ACSF3: variants seen among roughly 807,000 people sequenced by gnomAD.
The protein encoded by ACSF3 is acyl-CoA synthetase family member 3.
ACSF3 carries 78 observed loss-of-function variants against 53.2 expected under a neutral mutation model. That is an observed-to-expected ratio of 1.47 (90% CI 1.22 to 1.77). The LOEUF (loss-of-function observed/expected upper bound fraction) is 1.77, where lower values mean the gene tolerates loss of function less well. Among genes scored for constraint, ACSF3 ranks in the 40% most tolerant of loss-of-function variants. The probability of loss-of-function intolerance (pLI) is 0.00; values close to 1 mark genes in which losing one functional copy is unlikely to be tolerated. For synonymous variants in ACSF3, 414 were observed against 333.1 expected, an observed-to-expected ratio of 1.24 and a Z score of -2.65; for missense variants, 937 against 771.1, an observed-to-expected ratio of 1.22 and a Z score of -2.55.
chr16:89,108,758 C>T (rs1212961732), intron 4 of ACSF3, among the ~76,000 whole-genome samples: 2 of 152,204 alleles, frequency 1.3e-5, no homozygotes, highest in African/African-American at 4.8e-5. Context: ...GGATATACCA[C>T]ATTTTCCTCA....
At position 89,155,848 on chromosome 16, in the gene ACSF3, T is replaced by G; in HGVS notation, c.*1641T>G. 2.2e-6 allele frequency: 1 copy of G among 445,258 alleles called. No individual in the cohort carries two copies. Among genetic ancestry groups the G allele is most frequent in the South Asian group, 1.6e-5 (1 of 63,076 alleles). The allele number at this position is 445,258 out of a possible 1,614,324, so 27.6% of individuals were successfully genotyped here. A position where few individuals can be genotyped will look rare whatever the true frequency, so the allele number is the denominator to read the frequency against. ...TAATCATTTGCTTTATCCGATAGTA[T>G]ACATCAGTATATCATGCTTTCGAAA... On this transcript the variant is annotated 3_prime_UTR_variant, in exon 11 of 11. Transcript: ENST00000614302.
intron 2 of ACSF3, 139 bp from the exon 3 acceptor site, chr16:89,100,523 C>G: frequency 1.2e-6 from 1 of 831,698 alleles, no homozygotes; most frequent in Non-Finnish European, 1.9e-6. Flanking sequence ...TGGACGTGGC[C>G]TGTCTGGTGC....
intron 10 of ACSF3, among the ~76,000 whole-genome samples, chr16:89,147,391 G>T (rs1401490907): frequency 1.9e-4 from 9 of 46,482 alleles, no homozygotes; most frequent in East Asian, 7.4e-4. Context: ...GGAGGGAGGG[G>T]TCACAGAGTG....
chr16:89,151,448 A>G, intron 10 of ACSF3: 1 of 319,056 alleles, frequency 3.1e-6, no homozygotes, highest in East Asian at 8.4e-5. Context: ...AAACGAGAGG[A>G]CAGTGTTCCC....
At chr16:89,109,240 A>G (rs1303085045) in intron 4 of ACSF3, among the ~76,000 whole-genome samples, 3 of 148,820 alleles carry the variant, frequency 2.0e-5, no homozygotes, top group African/African-American at 7.5e-5. Context: ...AAAAAAAAAA[A>G]AAAAAAAAAA....
intron 4 of ACSF3, among the ~76,000 whole-genome samples, chr16:89,111,639 T>C (rs1976686090): frequency 6.6e-6 from 1 of 152,376 alleles, no homozygotes; most frequent in East Asian, 1.9e-4. Flanking sequence ...CAAGAAATGT[T>C]TATTATGGAG....
Position 89,155,384 on chromosome 16 carries a change from C to G in ACSF3, c.*1177C>G, listed in dbSNP as rs1362903181. 2 of 452,226 alleles carry G rather than the reference C, an allele frequency of 4.4e-6. No individual in the cohort carries two copies. The highest frequency in any genetic ancestry group is 7.0e-5 in the East Asian group (1 of 14,346). The allele number at this position is 452,226 out of a possible 1,614,324, so 28.0% of individuals were successfully genotyped here. ...CTCTGACAGGAGACCAGCCCCATCT[C>G]AGGCTCACATGCCTCGCGGACAGTT... On this transcript the variant is annotated 3_prime_UTR_variant, in exon 11 of 11. Transcript: ENST00000614302.
At chr16:89,150,724 G>A (rs767854620) in intron 10 of ACSF3, 1 of 341,208 alleles carries the variant, frequency 2.9e-6, no homozygotes, top group Non-Finnish European at 5.7e-6. Flanking sequence ...TCACAGCCCA[G>A]GACTCCGCCA....
chr16:89,096,681 C>T (rs1159068656), intron 1 of ACSF3, among the ~76,000 whole-genome samples: 1 of 152,194 alleles, frequency 6.6e-6, no homozygotes, highest in East Asian at 1.9e-4. Context: ...TTCCCGGCAT[C>T]TGTGCCCTAG....
intron 7 of ACSF3, among the ~76,000 whole-genome samples, chr16:89,132,103 C>T (rs977122698): frequency 6.6e-6 from 1 of 152,282 alleles, no homozygotes; most frequent in African/African-American, 2.4e-5. Flanking sequence ...GCAGTGTTGG[C>T]CCCACGGCGT....
Position 89,154,514 on chromosome 16 carries a change from C to T in ACSF3, c.*307C>T. The T allele has an allele frequency of 1.8e-6, 1 of 549,934 alleles. No homozygotes were observed. Among genetic ancestry groups the T allele is most frequent in the Non-Finnish European group, 3.5e-6 (1 of 289,188 alleles). 34.1% of individuals were successfully genotyped at this position (549,934 alleles called of 1,614,324 possible). ...GAGGCACCTCCCGCCCCACAGTGCC[C>T]TGCAGTTGCCAGGCTCTCCAGGGCA... On this transcript the variant is annotated 3_prime_UTR_variant, in exon 11 of 11. Transcript: ENST00000614302.
intron 8 of ACSF3, among the ~76,000 whole-genome samples, chr16:89,137,205 C>T (rs1394232694): frequency 5.3e-5 from 8 of 152,054 alleles, no homozygotes; most frequent in Non-Finnish European, 1.2e-4. Context: ...ACCTGATAAC[C>T]GAACTCCTTA....
intron 4 of ACSF3, among the ~76,000 whole-genome samples, chr16:89,109,612 G>T (rs138250151): frequency 6.6e-6 from 1 of 151,870 alleles, no homozygotes; most frequent in Non-Finnish European, 1.5e-5. Context: ...AGGTTTCACC[G>T]TGTTGGCCAG....
chr16:89,096,051 G>T (rs1187530636), intron 1 of ACSF3, among the ~76,000 whole-genome samples: 1 of 152,116 alleles, frequency 6.6e-6, no homozygotes, highest in Non-Finnish European at 1.5e-5. Flanking sequence ...ACACCGAGAG[G>T]TCCTGCCTCC....
At chr16:89,117,104 G>T (rs969508012) in intron 6 of ACSF3, among the ~76,000 whole-genome samples, 1 of 152,228 alleles carries the variant, frequency 6.6e-6, no homozygotes, top group Non-Finnish European at 1.5e-5. Context: ...AGGACTGAAA[G>T]GGTAACGGGC....
chr16:89,118,763 T>C (rs139681898), intron 6 of ACSF3, among the ~76,000 whole-genome samples: 2 of 152,334 alleles, frequency 1.3e-5, no homozygotes, highest in Non-Finnish European at 2.9e-5. Flanking sequence ...CAGGGCCTCA[T>C]TGGCGGTTTC....
At chr16:89,111,866 C>G (rs1976715418) in intron 4 of ACSF3, among the ~76,000 whole-genome samples, 1 of 152,236 alleles carries the variant, frequency 6.6e-6, no homozygotes, top group African/African-American at 2.4e-5. Flanking sequence ...AAGCCCTTTT[C>G]TAGCTCTGTT....
chr16:89,120,102 G>A (rs375596290), intron 6 of ACSF3, among the ~76,000 whole-genome samples: 64 of 152,260 alleles, frequency 4.2e-4, no homozygotes, highest in Admixed American at 1.8e-3. Flanking sequence ...CAGGCAGAGC[G>A]AGGCTGCGGC....
In ACSF3 at chr16:89,104,731, T is replaced by C. The variant is rs371743209; in HGVS notation, c.822+1972T>C. Among the ~76,000 whole-genome samples, 8 of 152,194 alleles carry C rather than the reference T, an allele frequency of 5.3e-5. No homozygotes were observed. The East Asian group carries it at 1.2e-3, about 22-fold the overall frequency. On this transcript the variant is annotated intron_variant, in intron 4 of 10. Coordinates refer to ENST00000614302, the MANE Select transcript of ACSF3 (RefSeq NM_001243279.3). ...CCCTCCACCTCTCTGACCTTCAGTC[T>C]CATCCCCGGAAAATAAGGTTGGAGG...
Sources: gnomAD v4.1 joint callset for allele counts (sites outside exome capture counted in the v4.1 genomes callset) on GRCh38, gnomAD v4.1.1 for gene constraint, MANE v1.5 for transcripts, NCBI Gene and HGNC (gene_info 2026-07-23, HGNC 2026-07-21) for gene names.